APCDD1L: variants seen among roughly 807,000 people sequenced by gnomAD.
The protein encoded by APCDD1L is APC down-regulated 1 like, also known as protein APCDD1-like.
A neutral mutation model predicts 24.2 loss-of-function variants in APCDD1L; 21 were observed. The observed-to-expected ratio is 0.87, with a 90% CI of 0.61 to 1.25. APCDD1L has a LOEUF of 1.25. Ranked by LOEUF, APCDD1L falls within the 50% of genes most tolerant of loss-of-function variation. APCDD1L has a pLI of 0.00. For synonymous variants in APCDD1L, 321 were observed against 323.6 expected (o/e 0.99, Z 0.09); for missense variants, 704 against 711.7 (o/e 0.99, Z 0.12).
chr20:58,485,894 A>T lies in APCDD1L; in HGVS notation c.50-15147T>A, dbSNP rs116183712. 4.6e-3 allele frequency among the ~76,000 whole-genome samples: 707 copies of T among 152,346 alleles called. 7 individuals are homozygous for T. Among genetic ancestry groups the T allele is most frequent in the African/African-American group, 0.016 (658 of 41,584 alleles). ...AGAGCCCCTCCTGAGGACAGATGTC[A>T]ATGTCTTCTTTGACTGTGGCATGAG... On this transcript the variant is annotated intron_variant, in intron 1 of 3. Coordinates refer to ENST00000371149, the MANE Select transcript of APCDD1L (RefSeq NM_153360.3).
chr20:58,505,488 GTTGGGTATTTAAATT>G (rs797006868), intron 1 of APCDD1L, among the ~76,000 whole-genome samples: 46 of 152,272 alleles, frequency 3.0e-4, no homozygotes, highest in African/African-American at 1.1e-3. Flanking sequence ...ATTGCCTGTT[GTTGGGTATTTAAATT>G]TTGGCCTCCT....
intron 1 of APCDD1L, among the ~76,000 whole-genome samples, chr20:58,482,444 A>C (rs1990041439): frequency 6.6e-6 from 1 of 152,240 alleles, no homozygotes; most frequent in Non-Finnish European, 1.5e-5. Context: ...GACAAGGTAC[A>C]GGAAAATGTG....
At chr20:58,490,292 C>G (rs2123168463) in intron 1 of APCDD1L, among the ~76,000 whole-genome samples, 1 of 152,288 alleles carries the variant, frequency 6.6e-6, no homozygotes, top group South Asian at 2.1e-4. Flanking sequence ...TTTACAACAA[C>G]TTTCCCTAGA....
chr20:58,510,546 G>A (rs1990607869), intron 1 of APCDD1L, among the ~76,000 whole-genome samples: 1 of 152,148 alleles, frequency 6.6e-6, no homozygotes, highest in Admixed American at 6.5e-5. Context: ...TGGTCAGGCT[G>A]GTCTTGAACT....
At chr20:58,484,924 T>C (rs898369201) in intron 1 of APCDD1L, among the ~76,000 whole-genome samples, 1 of 151,596 alleles carries the variant, frequency 6.6e-6, no homozygotes, top group African/African-American at 2.4e-5. Flanking sequence ...TCCCAGAAAA[T>C]GGTTTCATGC....
rs773915176 is a variant in APCDD1L, at chr20:58,467,624, G to T, written c.223C>A (p.Arg75Ser). Residue 75 changes from arginine to serine, a missense_variant, in exon 3 of 4, where the codon CGC becomes AGC. Physicochemically the swap from Arg to Ser is moderately radical, Grantham distance 110. Coordinates refer to ENST00000371149, the MANE Select transcript of APCDD1L (RefSeq NM_153360.3). The surrounding 1 kb of genome is among the most constrained non-coding windows in gnomAD (Gnocchi z 5.9). ...EVRPGPEFLT[R>S]AYTFYPSRLF... is the part of the protein sequence containing the mutation. ...CGGCTGGGGTAGAAGGTGTAGGCGCGGGTCAGGAACTCCGGTCCTGGGCGC... is the reference window on the plus strand; with the variant it reads ...CGGCTGGGGTAGAAGGTGTAGGCGCTGGTCAGGAACTCCGGTCCTGGGCGC... 1.1e-5 allele frequency: 17 copies of T among 1,524,274 alleles called. No individual in the cohort carries two copies. The highest frequency in any genetic ancestry group is 3.9e-5 in the Admixed American group (2 of 50,692). The allele number at this position is 1,524,274 out of a possible 1,614,324, so 94.4% of individuals were successfully genotyped here. A position where few individuals can be genotyped will look rare whatever the true frequency, so the allele number is the denominator to read the frequency against.
intron 1 of APCDD1L, among the ~76,000 whole-genome samples, chr20:58,483,424 T>C (rs1239386019): frequency 1.3e-5 from 2 of 152,148 alleles, no homozygotes; most frequent in African/African-American, 4.8e-5. Context: ...CTGCCCACCA[T>C]TCCAGGGGTC....
At chr20:58,503,426 C>G (rs1336862555) in intron 1 of APCDD1L, among the ~76,000 whole-genome samples, 1 of 152,144 alleles carries the variant, frequency 6.6e-6, no homozygotes, top group Non-Finnish European at 1.5e-5. Context: ...AGAAACCACA[C>G]CCAACCATGA....
rs1845039908 is a variant in APCDD1L at position 58,461,335 on chromosome 20, G to A, written c.961C>T (p.Pro321Ser). The A allele has an allele frequency of 6.3e-7, 1 of 1,599,478 alleles. No homozygotes were observed. Among genetic ancestry groups the A allele is most frequent in the Non-Finnish European group, 8.5e-7 (1 of 1,170,146 alleles). Residue 321 changes from proline to serine, a missense_variant, in exon 4 of 4, where the codon CCA becomes TCA. Coordinates refer to ENST00000371149, the MANE Select transcript of APCDD1L (RefSeq NM_153360.3). The surrounding 1 kb of genome is among the most constrained non-coding windows in gnomAD (Gnocchi z 6.0). ...WEGYYHHFSD[P>S]ACRQPTFTVY... ...GTGAAGGTGGGCTGCCGGCAGGCTG[G>A]GTCTGAGAAGTGGTGGTAATACCCT...
chr20:58,472,437 G>T (rs1989829372), intron 1 of APCDD1L, among the ~76,000 whole-genome samples: 1 of 152,218 alleles, frequency 6.6e-6, no homozygotes, highest in East Asian at 1.9e-4. Context: ...GTGAGCCCAG[G>T]TTGTTGGACT....
intron 1 of APCDD1L, among the ~76,000 whole-genome samples, chr20:58,474,572 C>T (rs1468605160): frequency 2.6e-5 from 4 of 152,036 alleles, no homozygotes; most frequent in Non-Finnish European, 4.4e-5. Flanking sequence ...GGCATGGTGG[C>T]GCGCACCTGT....
In APCDD1L at chr20:58,467,426, C is replaced by G; in HGVS notation, c.421G>C (p.Ala141Pro). 3.2e-6 allele frequency: 5 copies of G among 1,564,480 alleles called. No homozygotes were observed. The highest frequency in any genetic ancestry group is 4.3e-6 in the Non-Finnish European group (5 of 1,157,660). ...KVGIVFHSRR[A>P]LVDVTGRLNQ... Reference sequence around the variant, plus strand: ...AGGCGCCCGGTGACGTCGACCAGGGCCCGGCGGCTGTGGAAGACGATGCCC... The same window carrying G: ...AGGCGCCCGGTGACGTCGACCAGGGGCCGGCGGCTGTGGAAGACGATGCCC... The change falls in exon 3 of 4, where the codon GCC (alanine) becomes CCC (proline). Residue 141 changes from alanine (A) to proline (P), a missense_variant. Ala to Pro is a conservative substitution (Grantham distance 27). Transcript: ENST00000371149. The surrounding 1 kb of genome is among the most constrained non-coding windows in gnomAD (Gnocchi z 5.9).
chr20:58,496,347 G>A (rs755104169), intron 1 of APCDD1L, among the ~76,000 whole-genome samples: 14 of 152,246 alleles, frequency 9.2e-5, no homozygotes, highest in Non-Finnish European at 1.5e-4. Flanking sequence ...ATGGGCAGGT[G>A]CCAGCCTGGG....
chr20:58,467,782 G>T lies in APCDD1L; in HGVS notation c.189-124C>A. On this transcript the variant is annotated intron_variant, in intron 2 of 3. Coordinates refer to ENST00000371149, the MANE Select transcript of APCDD1L (RefSeq NM_153360.3). The surrounding 1 kb of genome is among the most constrained non-coding windows in gnomAD (Gnocchi z 5.9). Reference sequence around the variant, plus strand: ...CTCTTAGTCCTCAGCTCAGGCCTGGGCCCCTCCAGCCTCAGTTCCCCTCAC... The same window carrying T: ...CTCTTAGTCCTCAGCTCAGGCCTGGTCCCCTCCAGCCTCAGTTCCCCTCAC... The T allele has an allele frequency of 1.0e-6, 1 of 1,000,370 alleles. No individual in the cohort carries two copies. Among genetic ancestry groups the T allele is most frequent in the Non-Finnish European group, 1.3e-6 (1 of 749,656 alleles). 62.0% of individuals were successfully genotyped at this position (1,000,370 alleles called of 1,614,324 possible).
Position 58,494,230 on chromosome 20 carries a change from G to GA in APCDD1L, c.49+20428dup, listed in dbSNP as rs1160515568. The stretch of plus-strand genomic sequence containing the variant: ...TGGGGATAAGTGGACCTGGGCAGGT[G>GA]AAACTCATGTGGTTTAAGGGTCAAC... On this transcript the variant is annotated intron_variant, in intron 1 of 3. Coordinates refer to ENST00000371149, the MANE Select transcript of APCDD1L (RefSeq NM_153360.3). The surrounding 1 kb of genome is among the most constrained non-coding windows in gnomAD (Gnocchi z 4.8). Among the ~76,000 whole-genome samples, 3 of 152,170 alleles carry GA rather than the reference G, an allele frequency of 2.0e-5. No individual in the cohort carries two copies. Among genetic ancestry groups the GA allele is most frequent in the African/African-American group, 7.2e-5 (3 of 41,442 alleles).
At chr20:58,482,384 T>G (rs1254903637) in intron 1 of APCDD1L, among the ~76,000 whole-genome samples, 1 of 152,206 alleles carries the variant, frequency 6.6e-6, no homozygotes, top group African/African-American at 2.4e-5. Flanking sequence ...ATTTTTAAAT[T>G]ACCATATAAA....
chr20:58,514,595 A>G (rs1423559250), intron 1 of APCDD1L, 64 bp downstream of exon 1: 2 of 1,280,176 alleles, frequency 1.6e-6, no homozygotes, highest in Non-Finnish European at 2.0e-6. Context: ...AGGGGACATT[A>G]GACGGCGAGC....
rs531301288 is a variant in APCDD1L at position 58,497,456 on chromosome 20, C to A, written c.49+17203G>T. ...TCCTGCTGGAGGCCATGAGTCTGGG[C>A]TCATGAGTCTGGGCTCAAGGTGCGA... On this transcript the variant is annotated intron_variant, in intron 1 of 3. Coordinates refer to ENST00000371149, the MANE Select transcript of APCDD1L (RefSeq NM_153360.3). The surrounding 1 kb of genome is among the most constrained non-coding windows in gnomAD (Gnocchi z 4.3). Among the ~76,000 whole-genome samples, 1 of 152,182 alleles carries A rather than the reference C, an allele frequency of 6.6e-6. No homozygotes were observed. Among genetic ancestry groups the A allele is most frequent in the African/African-American group, 2.4e-5 (1 of 41,526 alleles).
chr20:58,504,385 G>T (rs183782228), intron 1 of APCDD1L, among the ~76,000 whole-genome samples: 1 of 152,144 alleles, frequency 6.6e-6, no homozygotes, highest in Admixed American at 6.5e-5. Context: ...GCCCTTTCAC[G>T]CATTCTGGAT....
Sources: allele counts gnomAD v4.1 joint callset (sites outside exome capture counted in the v4.1 genomes callset), GRCh38; gene constraint gnomAD v4.1.1; non-coding constraint Gnocchi (gnomAD v3.1); transcripts MANE v1.5; gene names NCBI Gene and HGNC (gene_info 2026-07-23, HGNC 2026-07-21).